Variants in RUBCN observed in about 807,000 individuals in gnomAD.
RUBCN encodes the protein run domain Beclin-1-interacting and cysteine-rich domain-containing protein.
In RUBCN, 74 loss-of-function variants were observed where a neutral mutation model predicts 113.2. That is an observed-to-expected ratio of 0.65 (90% CI 0.54 to 0.79). RUBCN has a LOEUF of 0.79. Among genes scored for constraint, RUBCN ranks in the 30% least tolerant of loss-of-function variants. The pLI is 0.00. For missense variants in RUBCN, 1,109 were observed against 1,251.7 expected, an observed-to-expected ratio of 0.89 and a Z score of 1.72; for synonymous variants, 480 against 490.0, an observed-to-expected ratio of 0.98 and a Z score of 0.27.
At chr3:197,731,744 G>C (rs182918186) in intron 1 of RUBCN, among the ~76,000 whole-genome samples, 4 of 149,556 alleles carry the variant, frequency 2.7e-5, no homozygotes, top group East Asian at 2.0e-4. Context: ...CTGGCCGGGC[G>C]GGGGGCTGAC....
At chr3:197,749,597 G>A in exon 1 of RUBCN, 1 of 1,206,116 alleles carries the variant, frequency 8.3e-7, no homozygotes, top group Non-Finnish European at 1.1e-6. Context: ...GTCTGCAGCA[G>A]GAGGGACTCG....
chr3:197,705,269 A>G, intron 2 of RUBCN, 94 bp from the exon 3 acceptor site: 1 of 1,092,026 alleles, frequency 9.2e-7, no homozygotes, highest in Non-Finnish European at 1.4e-6. Context: ...AAGGACCACA[A>G]CCTTCCCTTG....
At chr3:197,685,856 C>T (rs1196932436) in intron 11 of RUBCN, among the ~76,000 whole-genome samples, 1 of 152,174 alleles carries the variant, frequency 6.6e-6, no homozygotes, top group African/African-American at 2.4e-5. Flanking sequence ...AACAGTAGGC[C>T]AGACTTTCAC....
intron 1 of RUBCN, among the ~76,000 whole-genome samples, chr3:197,746,180 G>A (rs1728737050): frequency 6.6e-6 from 1 of 152,184 alleles, no homozygotes; most frequent in Non-Finnish European, 1.5e-5. Context: ...TAAGTATAAA[G>A]TTTACTGCAG....
At chr3:197,713,916 T>C (rs188353417) in intron 2 of RUBCN, among the ~76,000 whole-genome samples, 77 of 150,922 alleles carry the variant, frequency 5.1e-4, no homozygotes, top group African/African-American at 1.9e-3. Context: ...CTACTAAAAA[T>C]ACAAAAAAAA....
At chr3:197,721,655 T>C (rs182619649) in intron 1 of RUBCN, among the ~76,000 whole-genome samples, 1 of 152,312 alleles carries the variant, frequency 6.6e-6, no homozygotes, top group African/African-American at 2.4e-5. Context: ...TGGTTTGTCC[T>C]GGTTTTCTAG....
At chr3:197,719,167 C>G (rs1241174623) in intron 1 of RUBCN, among the ~76,000 whole-genome samples, 1 of 152,062 alleles carries the variant, frequency 6.6e-6, no homozygotes, top group Non-Finnish European at 1.5e-5. Flanking sequence ...ACTGATCTTA[C>G]AAGGTTAACT....
In RUBCN at chr3:197,686,479, A is replaced by G. The variant is rs1383010872; in HGVS notation, c.1787-2262T>C. On this transcript the variant is annotated intron_variant, in intron 11 of 19. Coordinates refer to ENST00000296343, the MANE Select transcript of RUBCN (RefSeq NM_014687.4). Reference sequence around the variant, plus strand: ...GAGAAGCACACTCGTCAAAGGGGCCATGACCCCTGACCCCGGCCAAGGACC... The same window carrying G: ...GAGAAGCACACTCGTCAAAGGGGCCGTGACCCCTGACCCCGGCCAAGGACC... Among the ~76,000 whole-genome samples, 5 of 152,338 alleles carry G rather than the reference A, an allele frequency of 3.3e-5. No homozygotes were observed. In the East Asian group the frequency reaches 9.7e-4, roughly 29 times the overall value.
chr3:197,739,160 T>TG (rs1394482674), upstream of RUBCN, among the ~76,000 whole-genome samples: 1 of 151,658 alleles, frequency 6.6e-6, no homozygotes, highest in East Asian at 2.0e-4. Context: ...AGGCCGGTCT[T>TG]GAACTCCCGA....
At chr3:197,694,267 G>A (rs2108884121) in intron 10 of RUBCN, 108 bp downstream of exon 10, 2 of 954,510 alleles carry the variant, frequency 2.1e-6, no homozygotes, top group Admixed American at 1.7e-5. Flanking sequence ...AAAAAAAGTA[G>A]GACTACATAG....
intron 2 of RUBCN, among the ~76,000 whole-genome samples, chr3:197,713,670 T>C (rs1457966520): frequency 1.3e-5 from 2 of 152,006 alleles, no homozygotes; most frequent in Non-Finnish European, 2.9e-5. Context: ...TGCTGAACCC[T>C]GAGGTGGGGG....
intron 2 of RUBCN, among the ~76,000 whole-genome samples, chr3:197,713,357 C>T (rs1725165364): frequency 6.6e-6 from 1 of 152,110 alleles, no homozygotes; most frequent in African/African-American, 2.4e-5. Flanking sequence ...GAGAAGAACC[C>T]ATTTGCTATT....
Position 197,675,060 on chromosome 3 carries a change from C to T in RUBCN, c.2877G>A (p.Ala959=), listed in dbSNP as rs957611642. 9.3e-6 allele frequency: 15 copies of T among 1,613,080 alleles called. No homozygotes were observed. The highest frequency in any genetic ancestry group is 5.5e-5 in the South Asian group (5 of 91,086). The change falls in exon 20 of 20, where the codon GCG becomes GCA. Residue 959 remains alanine, a synonymous_variant. Coordinates refer to ENST00000296343, the MANE Select transcript of RUBCN (RefSeq NM_014687.4). This position sits in a 1 kb window ranked among gnomAD's most constrained non-coding sequence, Gnocchi z 4.4. The part of the protein sequence containing the change: ...SYLSDYEEEP[A]EALALEAAVL... ...CGGCGGCTTCCAGGGCCAGCGCTTC[C>T]GCGGGCTCCTCCTCGTAGTCTGACA...
At chr3:197,739,421 T>C (rs186693339), upstream of RUBCN, among the ~76,000 whole-genome samples, 1,057 of 142,380 alleles carry the variant, frequency 7.4e-3, 9 homozygotes, top group Middle Eastern at 0.012. Context: ...AGGCCGGGCG[T>C]GGTGGCTCAT....
intron 2 of RUBCN, among the ~76,000 whole-genome samples, chr3:197,715,476 G>C (rs940870459): frequency 2.0e-5 from 3 of 152,056 alleles, no homozygotes; most frequent in Admixed American, 6.6e-5. Context: ...AGGATGCTAG[G>C]AGGAAAATTT....
exon 1 of RUBCN, chr3:197,749,538 C>T (rs1188283646): frequency 7.7e-7 from 1 of 1,290,808 alleles, no homozygotes; most frequent in Admixed American, 2.3e-5. Context: ...CCCGAGGCTG[C>T]GTTGCGGTGG....
rs577710641 is a variant in RUBCN, at chr3:197,686,444, A to G, written c.1787-2227T>C. 4.3e-4 allele frequency among the ~76,000 whole-genome samples: 66 copies of G among 152,264 alleles called. 1 individual carries two copies. In the South Asian group the frequency reaches 1.0e-2, roughly 23 times the overall value. ...TTCGGAGGCAAGGCTCTGACCCCGG[A>G]CTGGAGGGAGAGAAGCACACTCGTC... is the stretch of plus-strand genomic sequence containing the variant. On this transcript the variant is annotated intron_variant, in intron 11 of 19. Transcript: ENST00000296343.
At chr3:197,730,559 A>C (rs1727297199) in intron 1 of RUBCN, among the ~76,000 whole-genome samples, 1 of 150,610 alleles carries the variant, frequency 6.6e-6, no homozygotes, top group Admixed American at 6.6e-5. Flanking sequence ...AAGCAACAGT[A>C]CACCCTAGAT....
chr3:197,736,954 T>G, upstream of RUBCN: 1 of 1,299,880 alleles, frequency 7.7e-7, no homozygotes, highest in Non-Finnish European at 9.7e-7. Context: ...ACTCCGAGGC[T>G]AGGCCGCTCC....
Sources: gnomAD v4.1 joint callset for allele counts (sites outside exome capture counted in the v4.1 genomes callset) on GRCh38, gnomAD v4.1.1 for gene constraint, Gnocchi (gnomAD v3.1) non-coding constraint, MANE v1.5 for transcripts, NCBI Gene and HGNC (gene_info 2026-07-23, HGNC 2026-07-21) for gene names.